Variants in ROBO2 observed in about 807,000 individuals in gnomAD.
The protein encoded by ROBO2 is roundabout guidance receptor 2.
Under a neutral mutation model 160.8 loss-of-function variants are expected in ROBO2, and 53 were observed. The observed-to-expected ratio is 0.33, with a 90% CI of 0.26 to 0.41. The LOEUF (loss-of-function observed/expected upper bound fraction) is 0.41. ROBO2 is among the 10% of genes least tolerant of loss of function. The pLI is 1.00. For synonymous variants in ROBO2, 664 were observed against 611.7 expected, an observed-to-expected ratio of 1.09 and a Z score of -1.26; for missense variants, 1,577 against 1,722.4, an observed-to-expected ratio of 0.92 and a Z score of 1.49.
rs2093625382 is a variant in ROBO2, at chr3:77,571,026, A to T, written c.1971+2592A>T. On this transcript the variant is annotated intron_variant, in intron 13 of 25. Transcript: ENST00000461745. ...ATGATAAGAAACCTGCTGTTCCACA[A>T]AGAAAAATAGCAATAAGTCACTTAC... 2.0e-5 allele frequency among the ~76,000 whole-genome samples: 3 copies of T among 152,064 alleles called. No homozygotes were observed. The South Asian group carries it at 6.2e-4, about 32-fold the overall frequency.
intron 2 of ROBO2, among the ~76,000 whole-genome samples, chr3:76,043,409 A>T (rs1576609086): frequency 6.6e-6 from 1 of 151,568 alleles, no homozygotes; most frequent in African/African-American, 2.4e-5. Context: ...CTACAGGTTG[A>T]AAAAGGGAGA....
At chr3:77,017,773 C>T (rs2062368766) in intron 2 of ROBO2, among the ~76,000 whole-genome samples, 1 of 151,610 alleles carries the variant, frequency 6.6e-6, no homozygotes, top group African/African-American at 2.4e-5. Context: ...TGACCTGCAC[C>T]CTAATTTGTA....
At chr3:76,311,994 C>T (rs984493038) in intron 2 of ROBO2, among the ~76,000 whole-genome samples, 4 of 152,120 alleles carry the variant, frequency 2.6e-5, no homozygotes, top group Non-Finnish European at 5.9e-5. Context: ...GAAAAATTAT[C>T]GTGAGATGGG....
intron 2 of ROBO2, among the ~76,000 whole-genome samples, chr3:76,521,107 G>A (rs896232632): frequency 4.9e-5 from 7 of 143,812 alleles, no homozygotes; most frequent in Admixed American, 7.3e-5. Flanking sequence ...GGAGTGCAGC[G>A]GTGTGCTCTC....
intron 2 of ROBO2, among the ~76,000 whole-genome samples, chr3:76,500,277 C>G (rs996528865): frequency 4.3e-4 from 66 of 152,212 alleles, no homozygotes; most frequent in African/African-American, 1.4e-3. Flanking sequence ...GGCCACCATA[C>G]CTGGCTAATT....
At position 76,427,729 on chromosome 3, in the gene ROBO2, GT is replaced by G. The variant is rs200461829; in HGVS notation, c.109+490129del. On this transcript the variant is annotated intron_variant, in intron 2 of 26. Transcript: ENST00000487694. ...AAATGCTTATTGTAATTGTATTCTT[GT>G]TGTTTAATGATTACGGTTATATTTT... is the stretch of plus-strand genomic sequence containing the variant. Among the ~76,000 whole-genome samples, 150 of 152,198 alleles carry G rather than the reference GT, an allele frequency of 9.9e-4. 6 individuals carry two copies. The East Asian group carries it at 0.026, about 27-fold the overall frequency.
chr3:77,040,291 T>C, exon 1 of ROBO2: 1 of 995,024 alleles, frequency 1.0e-6, no homozygotes, highest in African/African-American at 1.7e-5. Context: ...AAAAAATAAC[T>C]CCGGACGTGG....
At chr3:76,851,773 A>G (rs1284177865) in intron 2 of ROBO2, among the ~76,000 whole-genome samples, 4 of 116,494 alleles carry the variant, frequency 3.4e-5, no homozygotes, top group Admixed American at 7.8e-5. Context: ...AAATATTAAC[A>G]TGTGCTTGAA....
At chr3:77,388,984 G>T (rs2074421545) in intron 2 of ROBO2, among the ~76,000 whole-genome samples, 1 of 152,072 alleles carries the variant, frequency 6.6e-6, no homozygotes, top group African/African-American at 2.4e-5. Context: ...CACTCTTGTT[G>T]CCCAGGCTGG....
chr3:76,732,809 T>C (rs1320159556), intron 2 of ROBO2, among the ~76,000 whole-genome samples: 2 of 152,210 alleles, frequency 1.3e-5, no homozygotes, highest in Non-Finnish European at 2.9e-5. Context: ...ATTTTACTTC[T>C]GTATATATGG....
chr3:76,206,468 T>G (rs1425482178), intron 2 of ROBO2, among the ~76,000 whole-genome samples: 1 of 152,178 alleles, frequency 6.6e-6, no homozygotes, highest in African/African-American at 2.4e-5. Context: ...GCAATAAATT[T>G]CCCTTATCAA....
At chr3:77,340,780 T>G (rs903963932) in intron 2 of ROBO2, among the ~76,000 whole-genome samples, 3 of 152,118 alleles carry the variant, frequency 2.0e-5, no homozygotes, top group Non-Finnish European at 4.4e-5. Flanking sequence ...TAATACTGTA[T>G]GAATTACCCA....
intron 2 of ROBO2, among the ~76,000 whole-genome samples, chr3:76,603,294 T>TGC (rs2108973986): frequency 7.6e-6 from 1 of 131,798 alleles, no homozygotes; most frequent in African/African-American, 3.0e-5. Context: ...ATTGCGCCAC[T>TGC]GCACTCCAGC....
In ROBO2 at chr3:77,163,817, TA is replaced by T. The variant is rs997358298; in HGVS notation, c.388+65486del. On this transcript the variant is annotated intron_variant, in intron 2 of 25. Transcript: ENST00000461745. ...CTGAATATCTTACTGTTACTTTTTTTAAAAAAAAATCTATATTTCAAACTTA... is the reference window on the plus strand; with the variant it reads ...CTGAATATCTTACTGTTACTTTTTTTAAAAAAAATCTATATTTCAAACTTA... Among the ~76,000 whole-genome samples the T allele has an allele frequency of 9.9e-5, 15 of 152,014 alleles. No homozygotes were observed. In the South Asian group the frequency reaches 1.2e-3, roughly 13 times the overall value.
At chr3:77,480,579 A>G (rs1405114518) in intron 3 of ROBO2, among the ~76,000 whole-genome samples, 1 of 152,172 alleles carries the variant, frequency 6.6e-6, no homozygotes, top group East Asian at 1.9e-4. Flanking sequence ...GATGAAACAA[A>G]GATGATTAAT....
At chr3:77,579,873 G>T in intron 15 of ROBO2, 74 bp from the exon 17 acceptor site, 1 of 1,313,276 alleles carries the variant, frequency 7.6e-7, no homozygotes, top group South Asian at 1.2e-5. Flanking sequence ...AAAAATATTT[G>T]ATCAGTTACA....
At chr3:76,647,823 G>A (rs1400179882) in intron 2 of ROBO2, among the ~76,000 whole-genome samples, 1 of 152,072 alleles carries the variant, frequency 6.6e-6, no homozygotes, top group Non-Finnish European at 1.5e-5. Flanking sequence ...TAAAAGTTAC[G>A]TTGAAATATT....
chr3:76,459,978 A>T (rs1203605818), intron 2 of ROBO2, among the ~76,000 whole-genome samples: 1 of 152,194 alleles, frequency 6.6e-6, no homozygotes, highest in African/African-American at 2.4e-5. Context: ...AGAGAAGTAT[A>T]TGAATGTAAG....
chr3:76,331,648 A>G (rs994547462), intron 2 of ROBO2, among the ~76,000 whole-genome samples: 4 of 152,060 alleles, frequency 2.6e-5, no homozygotes, highest in African/African-American at 9.7e-5. Context: ...AATTTAGGGA[A>G]ACATTAATAT....
Sources: gnomAD v4.1 joint callset for allele counts (sites outside exome capture counted in the v4.1 genomes callset) on GRCh38, gnomAD v4.1.1 for gene constraint, MANE v1.5 for transcripts, NCBI Gene and HGNC (gene_info 2026-07-23, HGNC 2026-07-21) for gene names.